Variants in CTNNA3 observed in about 807,000 individuals in gnomAD.
The protein encoded by CTNNA3 is catenin alpha 3.
CTNNA3 carries 76 observed loss-of-function variants against 95.7 expected under a neutral mutation model. That is an observed-to-expected ratio of 0.79 (90% CI 0.66 to 0.96). CTNNA3 has a LOEUF of 0.96. Ranked by LOEUF, CTNNA3 falls within the 40% of genes least tolerant of loss-of-function variation. CTNNA3 has a pLI of 0.00. For missense variants in CTNNA3, 1,191 were observed against 1,089.8 expected (o/e 1.09, Z -1.31); for synonymous variants, 431 against 374.4 (o/e 1.15, Z -1.74).
chr10:66,475,742 G>C (rs146363258), intron 11 of CTNNA3, among the ~76,000 whole-genome samples: 1 of 152,224 alleles, frequency 6.6e-6, no homozygotes, highest in African/African-American at 2.4e-5. Flanking sequence ...TGGAAAGATA[G>C]TAATGCTTTT....
rs553418556 is a variant in CTNNA3 at position 67,590,061 on chromosome 10, T to C, written c.292+16796A>G. Among the ~76,000 whole-genome samples, 161 of 152,258 alleles carry C rather than the reference T, an allele frequency of 1.1e-3. 1 individual carries two copies. Among genetic ancestry groups the C allele is most frequent in the African/African-American group, 3.8e-3 (157 of 41,570 alleles). Reference sequence around the variant, plus strand: ...GCTGACTACACTGTATACATTTTTCTCTATCTTAGAAAAAATATTCCTAAA... The same window carrying C: ...GCTGACTACACTGTATACATTTTTCCCTATCTTAGAAAAAATATTCCTAAA... On this transcript the variant is annotated intron_variant, in intron 3 of 17. Transcript: ENST00000433211.
At chr10:67,093,763 T>G (rs1857806407) in intron 7 of CTNNA3, among the ~76,000 whole-genome samples, 1 of 152,078 alleles carries the variant, frequency 6.6e-6, no homozygotes, top group Admixed American at 6.6e-5. Flanking sequence ...ATGCAGATTT[T>G]AATTTCTTAT....
At chr10:67,477,183 C>A (rs1305329308) in intron 5 of CTNNA3, among the ~76,000 whole-genome samples, 1 of 152,094 alleles carries the variant, frequency 6.6e-6, no homozygotes, top group Non-Finnish European at 1.5e-5. Flanking sequence ...TGCTCCCTCT[C>A]TCCCTGTGCA....
At chr10:66,368,604 TCAA>T (rs2092730319) in intron 12 of CTNNA3, among the ~76,000 whole-genome samples, 3 of 152,102 alleles carry the variant, frequency 2.0e-5, no homozygotes, top group Non-Finnish European at 4.4e-5. Flanking sequence ...GTACCTTGAC[TCAA>T]AGTTATTTGA....
intron 7 of CTNNA3, among the ~76,000 whole-genome samples, chr10:66,888,295 T>C (rs951845945): frequency 6.6e-6 from 1 of 152,146 alleles, no homozygotes; most frequent in Non-Finnish European, 1.5e-5. Flanking sequence ...CTGAATTCTG[T>C]AAACACTTTA....
intron 1 of CTNNA3, among the ~76,000 whole-genome samples, chr10:67,726,286 ATAT>A (rs1401441268): frequency 3.0e-5 from 3 of 99,340 alleles, no homozygotes; most frequent in African/African-American, 8.5e-5. Flanking sequence ...ATTATATTAC[ATAT>A]TATATATGAT....
At chr10:66,523,944 G>C (rs16923204) in intron 10 of CTNNA3, among the ~76,000 whole-genome samples, 4,061 of 152,210 alleles carry the variant, frequency 0.027, 221 homozygotes, top group East Asian at 0.22. Context: ...ACCGTCCCCA[G>C]GTTGGTCCTT....
At chr10:66,643,534 C>T (rs546227018) in intron 9 of CTNNA3, among the ~76,000 whole-genome samples, 1 of 152,112 alleles carries the variant, frequency 6.6e-6, no homozygotes, top group Non-Finnish European at 1.5e-5. Flanking sequence ...TCATTACTAA[C>T]CCCAACTATT....
At position 67,671,286 on chromosome 10, in the gene CTNNA3, G is replaced by C. The variant is rs1647246017; in HGVS notation, c.-5-23768C>G. Among the ~76,000 whole-genome samples, 3 of 152,148 alleles carry C rather than the reference G, an allele frequency of 2.0e-5. No homozygotes were observed. In the South Asian group the frequency reaches 6.2e-4, roughly 32 times the overall value. ...AACAATCTTACTGCAAAGCTGAAGA[G>C]GAAGGATGACAGAGCAGAACTATAG... On this transcript the variant is annotated intron_variant, in intron 1 of 17. Transcript: ENST00000433211.
At chr10:67,712,175 G>A (rs1046133785) in intron 1 of CTNNA3, among the ~76,000 whole-genome samples, 3 of 152,160 alleles carry the variant, frequency 2.0e-5, no homozygotes, top group Non-Finnish European at 4.4e-5. Context: ...AAATTTCTAA[G>A]CATCAAAGCT....
intron 5 of CTNNA3, among the ~76,000 whole-genome samples, chr10:67,248,542 A>G (rs1364762520): frequency 3.3e-5 from 5 of 151,802 alleles, no homozygotes; most frequent in Non-Finnish European, 1.5e-5. Flanking sequence ...CAGCCCCCCA[A>G]AGAGCTGGGA....
chr10:67,634,276 T>C (rs1839236205), intron 2 of CTNNA3, among the ~76,000 whole-genome samples: 1 of 152,154 alleles, frequency 6.6e-6, no homozygotes, highest in Non-Finnish European at 1.5e-5. Flanking sequence ...GACAGGCAAA[T>C]GCTGAGGGAA....
chr10:67,269,450 T>C (rs1838865400), intron 5 of CTNNA3, among the ~76,000 whole-genome samples: 1 of 152,184 alleles, frequency 6.6e-6, no homozygotes, highest in Non-Finnish European at 1.5e-5. Flanking sequence ...CAATATTTTG[T>C]GAACATTCAA....
chr10:67,258,719 C>T (rs879598717), intron 5 of CTNNA3, among the ~76,000 whole-genome samples: 26 of 152,114 alleles, frequency 1.7e-4, no homozygotes, highest in Non-Finnish European at 7.4e-5. Context: ...TAGTCACTTT[C>T]TCAGTGTAAA....
At chr10:67,570,693 T>C (rs1397383026) in intron 3 of CTNNA3, among the ~76,000 whole-genome samples, 1 of 152,246 alleles carries the variant, frequency 6.6e-6, no homozygotes, top group Non-Finnish European at 1.5e-5. Context: ...CTTTGCTATC[T>C]CTAGTGTCAT....
intron 1 of CTNNA3, chr10:67,648,831 A>G: frequency 2.4e-6 from 3 of 1,268,728 alleles, no homozygotes; most frequent in Non-Finnish European, 3.1e-6. Context: ...AATGTAAGAG[A>G]CACGCTTCAA....
chr10:66,795,908 G>A (rs772971826), intron 7 of CTNNA3, among the ~76,000 whole-genome samples: 28 of 152,126 alleles, frequency 1.8e-4, no homozygotes, highest in South Asian at 4.1e-4. Context: ...CTTTTCTTCC[G>A]CAGCATCCTC....
At chr10:67,016,674 T>TA (rs1402855373) in intron 7 of CTNNA3, among the ~76,000 whole-genome samples, 11 of 152,334 alleles carry the variant, frequency 7.2e-5, no homozygotes, top group South Asian at 2.1e-4. Context: ...CACCTATTGA[T>TA]AATGTCTGAG....
intron 9 of CTNNA3, among the ~76,000 whole-genome samples, chr10:66,722,408 G>C (rs559803427): frequency 6.6e-6 from 1 of 151,618 alleles, no homozygotes; most frequent in Admixed American, 6.6e-5. Flanking sequence ...AACTGTGGTT[G>C]ATGTTTTCAT....
Sources: gnomAD v4.1 joint callset for allele counts (sites outside exome capture counted in the v4.1 genomes callset) on GRCh38, gnomAD v4.1.1 for gene constraint, MANE v1.5 for transcripts, NCBI Gene and HGNC (gene_info 2026-07-23, HGNC 2026-07-21) for gene names.